CCSER1: variants seen among roughly 807,000 people sequenced by gnomAD.
CCSER1 encodes serine-rich coiled-coil domain-containing protein 1.
CCSER1 carries 41 observed loss-of-function variants against 82.0 expected under a neutral mutation model. The ratio of observed to expected loss-of-function variants is 0.50; its 90% CI spans 0.39 to 0.65. CCSER1 has a LOEUF of 0.65. CCSER1 is among the 30% of genes least tolerant of loss of function. The pLI is 0.00. For synonymous variants in CCSER1, 414 were observed against 383.9 expected (o/e 1.08, Z -0.92); for missense variants, 1,119 against 1,064.2 (o/e 1.05, Z -0.72).
chr4:90,853,712 T>C (rs1364219155), intron 8 of CCSER1, among the ~76,000 whole-genome samples: 2 of 152,174 alleles, frequency 1.3e-5, no homozygotes, highest in African/African-American at 2.4e-5. Context: ...ATATACACTT[T>C]GGAAAGTTCT....
chr4:90,875,912 C>G (rs189171921), intron 8 of CCSER1, among the ~76,000 whole-genome samples: 1 of 152,106 alleles, frequency 6.6e-6, no homozygotes, highest in Non-Finnish European at 1.5e-5. Context: ...CAGACTATTG[C>G]GATGGTGTTT....
At chr4:90,541,980 C>G (rs1776167640) in intron 5 of CCSER1, among the ~76,000 whole-genome samples, 1 of 151,876 alleles carries the variant, frequency 6.6e-6, no homozygotes, top group South Asian at 2.1e-4. Context: ...GAATCAGATA[C>G]TTATCAATTT....
chr4:90,393,383 T>C (rs1751480802), intron 3 of CCSER1, among the ~76,000 whole-genome samples: 1 of 152,204 alleles, frequency 6.6e-6, no homozygotes, highest in Non-Finnish European at 1.5e-5. Context: ...ATGGTTGGAA[T>C]AGTGGAGACG....
At chr4:91,354,473 G>T (rs555042831) in intron 10 of CCSER1, among the ~76,000 whole-genome samples, 3 of 152,294 alleles carry the variant, frequency 2.0e-5, no homozygotes, top group East Asian at 3.9e-4. Context: ...GGAATTCTGG[G>T]TGGGCCCAAA....
At chr4:91,471,987 G>GA (rs1353493956) in intron 10 of CCSER1, among the ~76,000 whole-genome samples, 5 of 121,362 alleles carry the variant, frequency 4.1e-5, no homozygotes, top group Non-Finnish European at 3.5e-5. Context: ...AAAAAAAAAA[G>GA]AAAAAAAAGA....
At position 91,496,595 on chromosome 4, in the gene CCSER1, TATATTTGAATATATATATAC is replaced by T. The variant is rs1758830018; in HGVS notation, c.2218-101975_2218-101956del. Among the ~76,000 whole-genome samples, 9 of 23,394 alleles carry T rather than the reference TATATTTGAATATATATATAC, an allele frequency of 3.8e-4. 2 individuals carry two copies. Among genetic ancestry groups the T allele is most frequent in the African/African-American group, 9.2e-4 (9 of 9,822 alleles). 15.3% of individuals were successfully genotyped at this position (23,394 alleles called of 152,430 possible). On this transcript the variant is annotated intron_variant, in intron 10 of 10. Transcript: ENST00000509176. ...ATATATATATATATATACACGAATA[TATATTTGAATATATATATAC>T]ACGAATATATATTTGAATATATATA... is the stretch of plus-strand genomic sequence containing the variant.
chr4:91,110,808 A>G (rs1726032439), intron 10 of CCSER1, among the ~76,000 whole-genome samples: 1 of 151,958 alleles, frequency 6.6e-6, no homozygotes, highest in African/African-American at 2.4e-5. Context: ...AGCAAATGAT[A>G]CTGGTTTCTT....
chr4:90,850,545 G>C (rs1319709937), intron 8 of CCSER1, among the ~76,000 whole-genome samples: 1 of 152,238 alleles, frequency 6.6e-6, no homozygotes, highest in Admixed American at 6.5e-5. Flanking sequence ...AGAGTCAAAA[G>C]AGATCATTTT....
intron 5 of CCSER1, among the ~76,000 whole-genome samples, chr4:90,544,075 G>A (rs1344769212): frequency 1.3e-5 from 2 of 152,058 alleles, no homozygotes; most frequent in East Asian, 3.9e-4. Context: ...AATTCCCAGG[G>A]GACTACCGGA....
intron 1 of CCSER1, among the ~76,000 whole-genome samples, chr4:90,232,903 G>A (rs1304002421): frequency 2.0e-5 from 3 of 151,478 alleles, no homozygotes; most frequent in South Asian, 4.2e-4. Flanking sequence ...TCAGAGAAAT[G>A]CAAATCAAAA....
chr4:90,358,298 T>C (rs140518938), intron 3 of CCSER1, among the ~76,000 whole-genome samples: 65 of 152,210 alleles, frequency 4.3e-4, no homozygotes, highest in African/African-American at 1.5e-3. Context: ...TTCCATGTAG[T>C]CAAAGTGCTT....
At position 90,642,893 on chromosome 4, in the gene CCSER1, GTTT is replaced by G. The variant is rs68192930; in HGVS notation, c.1932+14673_1932+14675del. ...TACATACATACATGCATTATTTTCT[GTTT>G]TTTTTTTTTTTAAAGTAAAAGTGCT... On this transcript the variant is annotated intron_variant, in intron 6 of 10. Transcript: ENST00000509176. Among the ~76,000 whole-genome samples, 181 of 147,292 alleles carry G rather than the reference GTTT, an allele frequency of 1.2e-3. 1 individual carries two copies. In the South Asian group the frequency reaches 0.016, roughly 13 times the overall value.
intron 4 of CCSER1, among the ~76,000 whole-genome samples, chr4:90,418,335 C>A (rs1359398689): frequency 6.6e-6 from 1 of 152,030 alleles, no homozygotes; most frequent in Non-Finnish European, 1.5e-5. Flanking sequence ...ATTTAGTGAT[C>A]TTTCCAGTCT....
chr4:90,273,022 C>CAA lies in CCSER1; in HGVS notation c.-41-35214_-41-35213dup, dbSNP rs546422584. Among the ~76,000 whole-genome samples the CAA allele has an allele frequency of 1.8e-4, 27 of 146,994 alleles. No homozygotes were observed. In the East Asian group the frequency reaches 3.6e-3, roughly 19 times the overall value. The stretch of plus-strand genomic sequence containing the variant: ...TATCTCAAAAAAACAAACAAACAAA[C>CAA]AAAAAAAAACAGAACTATGATATCC... On this transcript the variant is annotated intron_variant, in intron 1 of 10. Transcript: ENST00000509176.
chr4:91,591,343 G>T (rs1324852386), intron 10 of CCSER1, among the ~76,000 whole-genome samples: 2 of 151,640 alleles, frequency 1.3e-5, no homozygotes, highest in African/African-American at 2.4e-5. Context: ...ACCAGTATAG[G>T]GACAATGGCT....
chr4:91,370,398 CT>C (rs1749948673), intron 10 of CCSER1, among the ~76,000 whole-genome samples: 1 of 152,024 alleles, frequency 6.6e-6, no homozygotes. Context: ...TGTGTTATTT[CT>C]TTTAAAAAAA....
intron 10 of CCSER1, among the ~76,000 whole-genome samples, chr4:91,266,809 T>C (rs1741630070): frequency 6.6e-6 from 1 of 152,184 alleles, no homozygotes; most frequent in South Asian, 2.1e-4. Flanking sequence ...ATTGAATATA[T>C]TTTATTATAT....
chr4:91,458,196 C>A (rs771377715), intron 10 of CCSER1, among the ~76,000 whole-genome samples: 5 of 152,016 alleles, frequency 3.3e-5, no homozygotes, highest in Admixed American at 6.6e-5. Flanking sequence ...TAGGGGTGTA[C>A]TTTCATCCTT....
At chr4:90,872,601 C>T (rs1049146463) in intron 8 of CCSER1, among the ~76,000 whole-genome samples, 1 of 151,680 alleles carries the variant, frequency 6.6e-6, no homozygotes, top group Non-Finnish European at 1.5e-5. Context: ...TTATTACTTT[C>T]GATTGGTTCA....
Sources: gnomAD v4.1 joint callset for allele counts (sites outside exome capture counted in the v4.1 genomes callset) on GRCh38, gnomAD v4.1.1 for gene constraint, MANE v1.5 for transcripts, NCBI Gene and HGNC (gene_info 2026-07-23, HGNC 2026-07-21) for gene names.